Variants in MAML2 observed in about 807,000 individuals in gnomAD.
MAML2 encodes the protein mastermind-like protein 2.
In MAML2, 22 loss-of-function variants were observed where a neutral mutation model predicts 96.1. The observed-to-expected ratio is 0.23, with a 90% CI of 0.16 to 0.33. The LOEUF (loss-of-function observed/expected upper bound fraction) is 0.33. Ranked by LOEUF, MAML2 falls within the 10% of genes least tolerant of loss-of-function variation. The probability of loss-of-function intolerance (pLI) is 1.00; values close to 1 mark genes in which losing one functional copy is unlikely to be tolerated. For missense variants in MAML2, 1,367 were observed against 1,392.4 expected (o/e 0.98, Z 0.29); for synonymous variants, 561 against 521.3 (o/e 1.08, Z -1.04).
intron 2 of MAML2, among the ~76,000 whole-genome samples, chr11:96,073,359 T>C (rs565396411): frequency 2.0e-5 from 3 of 149,122 alleles, no homozygotes; most frequent in South Asian, 2.1e-4. Flanking sequence ...CTCGCTGTGT[T>C]GCCCAGGCTG....
At chr11:96,252,566 CA>C (rs1862598861) in intron 1 of MAML2, among the ~76,000 whole-genome samples, 1 of 151,834 alleles carries the variant, frequency 6.6e-6, no homozygotes, top group African/African-American at 2.4e-5. Context: ...GCTGGGACTA[CA>C]GGCGCGTGTC....
rs1427850219 is a variant in MAML2 at position 96,220,741 on chromosome 11, CAT to C, written c.513+120640_513+120641del. ...AAGTACAATTTCCTTAACAGTCAGA[CAT>C]AGATTTAAAAAAATACAAGTTTCAA... On this transcript the variant is annotated intron_variant, in intron 1 of 4. Coordinates refer to ENST00000524717, the MANE Select transcript of MAML2 (RefSeq NM_032427.4). 3.3e-5 allele frequency among the ~76,000 whole-genome samples: 5 copies of C among 151,912 alleles called. No homozygotes were observed. The East Asian group carries it at 7.7e-4, about 23-fold the overall frequency.
chr11:96,099,064 T>C (rs1396173378), intron 1 of MAML2, among the ~76,000 whole-genome samples: 2 of 151,796 alleles, frequency 1.3e-5, no homozygotes, highest in Non-Finnish European at 2.9e-5. Flanking sequence ...AGGTCACTTT[T>C]TTTCACCCCA....
intron 1 of MAML2, among the ~76,000 whole-genome samples, chr11:96,305,171 A>G (rs1171632914): frequency 1.3e-5 from 2 of 152,250 alleles, no homozygotes; most frequent in Non-Finnish European, 2.9e-5. Context: ...TGGAAACAGT[A>G]AAAAGATCAG....
At chr11:96,319,325 C>T (rs1863672645) in intron 1 of MAML2, among the ~76,000 whole-genome samples, 1 of 152,202 alleles carries the variant, frequency 6.6e-6, no homozygotes, top group Non-Finnish European at 1.5e-5. Context: ...GAGCTAGTAC[C>T]ACCCAACTAA....
chr11:96,239,930 G>A (rs1357548110), intron 1 of MAML2, among the ~76,000 whole-genome samples: 1 of 152,160 alleles, frequency 6.6e-6, no homozygotes, highest in Non-Finnish European at 1.5e-5. Flanking sequence ...TGGCAAATTA[G>A]GGAAACAATT....
intron 2 of MAML2, among the ~76,000 whole-genome samples, chr11:96,016,343 A>G (rs1384293853): frequency 2.0e-5 from 3 of 152,148 alleles, no homozygotes; most frequent in Admixed American, 2.0e-4. Context: ...AAAGACTAGA[A>G]GATGAAAGCT....
chr11:96,004,774 C>T (rs1719898286), intron 2 of MAML2, among the ~76,000 whole-genome samples: 1 of 152,138 alleles, frequency 6.6e-6, no homozygotes, highest in Admixed American at 6.5e-5. Flanking sequence ...TGCTGTATGG[C>T]TTGAATAAGA....
chr11:95,997,313 C>A (rs1475944716), intron 2 of MAML2, among the ~76,000 whole-genome samples: 1 of 152,006 alleles, frequency 6.6e-6, no homozygotes, highest in Non-Finnish European at 1.5e-5. Flanking sequence ...TGTGTGCATG[C>A]GCATTTGAGA....
At chr11:96,173,838 T>G (rs545288694) in intron 1 of MAML2, among the ~76,000 whole-genome samples, 10 of 152,356 alleles carry the variant, frequency 6.6e-5, no homozygotes, top group Admixed American at 5.2e-4. Flanking sequence ...TGATTAGAAC[T>G]GCTTCTCCTG....
chr11:96,201,969 A>C (rs961481079), intron 1 of MAML2, among the ~76,000 whole-genome samples: 1 of 151,634 alleles, frequency 6.6e-6, no homozygotes, highest in Non-Finnish European at 1.5e-5. Flanking sequence ...GCCTCATGTT[A>C]ATCACACACA....
chr11:96,133,703 T>C (rs776254480), intron 1 of MAML2, among the ~76,000 whole-genome samples: 1 of 152,200 alleles, frequency 6.6e-6, no homozygotes, highest in Non-Finnish European at 1.5e-5. Context: ...CAGATAAGAA[T>C]GGTTTATAGG....
At chr11:96,144,144 G>A (rs1017581425) in intron 1 of MAML2, among the ~76,000 whole-genome samples, 3 of 152,146 alleles carry the variant, frequency 2.0e-5, no homozygotes, top group Non-Finnish European at 2.9e-5. Flanking sequence ...GGGAGTTCTC[G>A]TCTCAATTCT....
At chr11:96,004,292 C>T (rs1858142897) in intron 2 of MAML2, among the ~76,000 whole-genome samples, 1 of 151,926 alleles carries the variant, frequency 6.6e-6, no homozygotes, top group Admixed American at 6.6e-5. Context: ...TAAATGATAC[C>T]ACAGTTCCAA....
At chr11:96,300,353 T>C (rs561951343) in intron 1 of MAML2, among the ~76,000 whole-genome samples, 7 of 152,254 alleles carry the variant, frequency 4.6e-5, no homozygotes, top group South Asian at 2.1e-4. Context: ...GGAAGTGACC[T>C]GAATATAGCA....
chr11:96,185,933 A>G (rs1026050791), intron 1 of MAML2, among the ~76,000 whole-genome samples: 2 of 152,194 alleles, frequency 1.3e-5, no homozygotes, highest in Non-Finnish European at 2.9e-5. Context: ...GATCCACAGC[A>G]TAGGTACCAA....
chr11:96,063,919 C>T (rs1859206986), intron 2 of MAML2, among the ~76,000 whole-genome samples: 3 of 152,194 alleles, frequency 2.0e-5, no homozygotes, highest in African/African-American at 7.2e-5. Flanking sequence ...CCAAGGGCCT[C>T]AGTTCTGTTC....
chr11:95,983,406 T>C (rs565528208), intron 4 of MAML2, among the ~76,000 whole-genome samples: 28 of 152,176 alleles, frequency 1.8e-4, no homozygotes, highest in Non-Finnish European at 3.2e-4. Context: ...GTGGGGAGGA[T>C]GTGGGGAGAA....
At chr11:96,032,794 A>T (rs899473552) in intron 2 of MAML2, among the ~76,000 whole-genome samples, 1 of 152,178 alleles carries the variant, frequency 6.6e-6, no homozygotes, top group Non-Finnish European at 1.5e-5. Flanking sequence ...AGCCAGTGGC[A>T]AAAGGGTATA....
Sources: gnomAD v4.1 joint callset for allele counts (sites outside exome capture counted in the v4.1 genomes callset) on GRCh38, gnomAD v4.1.1 for gene constraint, MANE v1.5 for transcripts, NCBI Gene and HGNC (gene_info 2026-07-23, HGNC 2026-07-21) for gene names.